ELMO1: variants seen among roughly 807,000 people sequenced by gnomAD.
The protein encoded by ELMO1 is engulfment and cell motility protein 1.
Under a neutral mutation model 98.9 loss-of-function variants are expected in ELMO1, and 26 were observed. The observed-to-expected ratio is 0.26, with a 90% CI of 0.19 to 0.36. The LOEUF (loss-of-function observed/expected upper bound fraction) is 0.36, where lower values mean the gene tolerates loss of function less well. Ranked by LOEUF, ELMO1 falls within the 10% of genes least tolerant of loss-of-function variation. The pLI is 1.00. For synonymous variants in ELMO1, 346 were observed against 346.0 expected, an observed-to-expected ratio of 1.00 and a Z score of 0.00; for missense variants, 627 against 935.2, an observed-to-expected ratio of 0.67 and a Z score of 4.30.
At chr7:37,101,941 C>T (rs1185226492) in intron 14 of ELMO1, among the ~76,000 whole-genome samples, 2 of 152,166 alleles carry the variant, frequency 1.3e-5, no homozygotes, top group Non-Finnish European at 2.9e-5. Flanking sequence ...GGCAATTGTC[C>T]TCAGAATCCT....
chr7:37,249,401 A>G (rs527725510), intron 6 of ELMO1, among the ~76,000 whole-genome samples: 6 of 152,326 alleles, frequency 3.9e-5, no homozygotes, highest in African/African-American at 1.4e-4. Flanking sequence ...TTTTAAGACA[A>G]TTACCTAAGA....
intron 13 of ELMO1, among the ~76,000 whole-genome samples, chr7:37,140,810 T>C (rs1286340076): frequency 6.6e-6 from 1 of 151,910 alleles, no homozygotes; most frequent in African/African-American, 2.4e-5. Context: ...ATCAGGGAAA[T>C]GCAAATCGAA....
At chr7:37,118,367 G>A (rs1723888907) in intron 14 of ELMO1, among the ~76,000 whole-genome samples, 1 of 152,118 alleles carries the variant, frequency 6.6e-6, no homozygotes, top group African/African-American at 2.4e-5. Flanking sequence ...ATACTCGTGT[G>A]ACTTTTTTCT....
In ELMO1 at chr7:37,225,032, T is replaced by C. The variant is rs758152555; in HGVS notation, c.550-2A>G. The C allele has an allele frequency of 6.2e-7, 1 of 1,613,992 alleles. No individual in the cohort carries two copies. The highest frequency in any genetic ancestry group is 8.5e-7 in the Non-Finnish European group (1 of 1,179,930). ...TGACTTGTTCACAAAACTTGCTATC[T>C]GAAAATCCAAGTGGGACACAATTGA... On this transcript the variant is annotated splice_acceptor_variant, in intron 8 of 21. Coordinates refer to ENST00000310758, the MANE Select transcript of ELMO1 (RefSeq NM_014800.11). LOFTEE classifies it high-confidence loss of function.
At position 36,999,857 on chromosome 7, in the gene ELMO1, G is replaced by T. The variant is rs894370574; in HGVS notation, c.1437+13442C>A. Among the ~76,000 whole-genome samples the T allele has an allele frequency of 1.8e-4, 27 of 152,050 alleles. 1 individual carries two copies. The highest frequency in any genetic ancestry group is 6.5e-4 in the African/African-American group (27 of 41,392). ...GAGCAAAGGCTGAGGCTGCATCTGT[G>T]GCAGCTTCAGGTCTCCATTATCAGC... On this transcript the variant is annotated intron_variant, in intron 16 of 21. Transcript: ENST00000310758.
chr7:37,380,006 T>G (rs1023368995), intron 1 of ELMO1, among the ~76,000 whole-genome samples: 31 of 152,294 alleles, frequency 2.0e-4, no homozygotes, highest in Non-Finnish European at 2.9e-4. Flanking sequence ...GCATATATGT[T>G]TACCCATTGT....
intron 2 of ELMO1, among the ~76,000 whole-genome samples, chr7:37,317,529 T>C (rs888143402): frequency 2.0e-5 from 3 of 152,168 alleles, no homozygotes; most frequent in African/African-American, 4.8e-5. Flanking sequence ...ATAACATGGA[T>C]GGAACTGGAA....
intron 16 of ELMO1, among the ~76,000 whole-genome samples, chr7:36,974,447 G>A (rs929817537): frequency 4.6e-5 from 7 of 152,182 alleles, no homozygotes; most frequent in African/African-American, 7.2e-5. Context: ...CTAGCTCAGG[G>A]TTTGTGAATG....
intron 14 of ELMO1, among the ~76,000 whole-genome samples, chr7:37,097,731 T>A (rs1355354288): frequency 6.6e-6 from 1 of 152,020 alleles, no homozygotes; most frequent in Admixed American, 6.6e-5. Flanking sequence ...ATGTTGGCCC[T>A]CAGAAAAAAG....
intron 14 of ELMO1, among the ~76,000 whole-genome samples, chr7:37,121,468 C>A (rs1275527023): frequency 6.6e-6 from 1 of 152,194 alleles, no homozygotes; most frequent in Non-Finnish European, 1.5e-5. Context: ...ATGAGAACCA[C>A]ATGATAAATG....
At chr7:37,090,584 C>T (rs1350922004) in intron 15 of ELMO1, among the ~76,000 whole-genome samples, 1 of 152,168 alleles carries the variant, frequency 6.6e-6, no homozygotes, top group African/African-American at 2.4e-5. Flanking sequence ...TCTAGCCTAC[C>T]ATTTCTCACT....
At chr7:37,394,611 G>C (rs1803215177) in intron 1 of ELMO1, among the ~76,000 whole-genome samples, 1 of 152,212 alleles carries the variant, frequency 6.6e-6, no homozygotes. Flanking sequence ...TTCCAGAGCA[G>C]AGAGGCTGAT....
chr7:37,253,935 A>T (rs1297743379), intron 6 of ELMO1, among the ~76,000 whole-genome samples: 3 of 152,134 alleles, frequency 2.0e-5, no homozygotes, highest in African/African-American at 7.2e-5. Flanking sequence ...AAATTACAGG[A>T]TCTATTTAAT....
chr7:37,344,126 G>A (rs891365873), intron 1 of ELMO1, among the ~76,000 whole-genome samples: 1 of 147,166 alleles, frequency 6.8e-6, no homozygotes. Flanking sequence ...CCACCTCCCG[G>A]GTTCAAGCGA....
chr7:37,069,250 A>T (rs1415569787), intron 15 of ELMO1, among the ~76,000 whole-genome samples: 2 of 152,162 alleles, frequency 1.3e-5, no homozygotes, highest in Admixed American at 6.5e-5. Context: ...GGAATACATT[A>T]AAAAAATGTG....
intron 13 of ELMO1, among the ~76,000 whole-genome samples, chr7:37,153,222 G>A (rs1199935024): frequency 6.6e-6 from 1 of 152,166 alleles, no homozygotes; most frequent in South Asian, 2.1e-4. Flanking sequence ...TGATATTGAC[G>A]CAGCAGACGG....
chr7:37,204,510 A>C (rs1792491568), intron 13 of ELMO1, among the ~76,000 whole-genome samples: 1 of 152,320 alleles, frequency 6.6e-6, no homozygotes, highest in East Asian at 1.9e-4. Flanking sequence ...GCACAGACCC[A>C]AAGAGTGAGC....
intron 1 of ELMO1, among the ~76,000 whole-genome samples, chr7:37,372,718 C>T (rs1562649474): frequency 1.3e-5 from 2 of 152,270 alleles, no homozygotes; most frequent in East Asian, 3.9e-4. Flanking sequence ...ACAACTGTCA[C>T]CCTACTTTCT....
At chr7:36,970,180 A>AACACACACACACACACAC (rs56928749) in intron 16 of ELMO1, among the ~76,000 whole-genome samples, 62 of 144,354 alleles carry the variant, frequency 4.3e-4, no homozygotes, top group African/African-American at 1.0e-3. Flanking sequence ...TCATACACTT[A>AACACACACACACACACAC]ACACACACAC....
Sources: allele counts gnomAD v4.1 joint callset (sites outside exome capture counted in the v4.1 genomes callset), GRCh38; gene constraint gnomAD v4.1.1; transcripts MANE v1.5; gene names NCBI Gene and HGNC (gene_info 2026-07-23, HGNC 2026-07-21).